The following SMIM35 variants were observed in gnomAD, a reference collection of about 807,000 sequenced individuals.
The protein encoded by SMIM35 is TMPRSS4 antisense RNA 1 (non-protein coding).
In SMIM35 at chr11:118,055,085, G is replaced by A. The variant is rs150204290; in HGVS notation, c.7+31666C>T. On this transcript the variant is annotated intron_variant, in intron 1 of 4. Coordinates refer to ENST00000689828, the MANE Select transcript of SMIM35 (RefSeq NM_001394165.1). ...CTCCCAAAGTGCTGGGGTTACAGGC[G>A]TGAGCCACTGCGCCTGGCCTAATTT... is the stretch of plus-strand genomic sequence containing the variant. Among the ~76,000 whole-genome samples, 345 of 152,272 alleles carry A rather than the reference G, an allele frequency of 2.3e-3. 4 individuals are homozygous for A. The highest frequency in any genetic ancestry group is 7.8e-3 in the African/African-American group (325 of 41,542).
At chr11:118,086,338 C>T (rs1945553914) in intron 1 of SMIM35, among the ~76,000 whole-genome samples, 1 of 152,222 alleles carries the variant, frequency 6.6e-6, no homozygotes, top group Non-Finnish European at 1.5e-5. Flanking sequence ...CCATTATGTG[C>T]TGAGATGGGG....
intron 1 of SMIM35, among the ~76,000 whole-genome samples, chr11:118,018,585 T>C (rs193008534): frequency 2.0e-5 from 3 of 152,314 alleles, no homozygotes; most frequent in African/African-American, 7.2e-5. Flanking sequence ...ATAGTGATAC[T>C]GGTGGTGTTT....
intron 1 of SMIM35, among the ~76,000 whole-genome samples, chr11:118,058,770 G>A (rs945573973): frequency 2.6e-5 from 4 of 152,068 alleles, no homozygotes; most frequent in Admixed American, 6.5e-5. Context: ...AGCCCAGCTC[G>A]GGGGGCCTGG....
intron 1 of SMIM35, among the ~76,000 whole-genome samples, chr11:118,043,263 G>C (rs1227782203): frequency 1.5e-5 from 2 of 136,576 alleles, no homozygotes; most frequent in Non-Finnish European, 3.2e-5. Flanking sequence ...TTGAAGTCTG[G>C]GTATTTGGTA....
In SMIM35 at chr11:118,014,425, G is replaced by A. The variant is rs10540113; in HGVS notation, c.158+283C>T. ...GGATGGATGGATGGATGGATGGATGGATGGATGAATGGATGGATGGATGGG... is the reference window on the plus strand; with the variant it reads ...GGATGGATGGATGGATGGATGGATGAATGGATGAATGGATGGATGGATGGG... On this transcript the variant is annotated intron_variant, in intron 3 of 4. Coordinates refer to ENST00000689828, the MANE Select transcript of SMIM35 (RefSeq NM_001394165.1). 7.3e-3 allele frequency among the ~76,000 whole-genome samples: 903 copies of A among 123,924 alleles called. 8 individuals are homozygous for A. Among genetic ancestry groups the A allele is most frequent in the African/African-American group, 0.027 (860 of 31,556 alleles). The allele number at this position is 123,924 out of a possible 152,430, so 81.3% of individuals were successfully genotyped here.
chr11:118,033,871 C>G (rs1374513289), intron 1 of SMIM35, among the ~76,000 whole-genome samples: 1 of 152,184 alleles, frequency 6.6e-6, no homozygotes, highest in Non-Finnish European at 1.5e-5. Context: ...CAGTTACTTA[C>G]AATGTGTCCA....
chr11:118,014,971 C>T (rs981105868), intron 2 of SMIM35, among the ~76,000 whole-genome samples: 7 of 152,200 alleles, frequency 4.6e-5, no homozygotes, highest in Non-Finnish European at 7.3e-5. Flanking sequence ...AACCAGACCT[C>T]AGCTTGGATT....
intron 1 of SMIM35, among the ~76,000 whole-genome samples, chr11:118,078,621 G>C (rs2135181924): frequency 6.6e-6 from 1 of 152,308 alleles, no homozygotes; most frequent in South Asian, 2.1e-4. Context: ...GGGCTCCCAG[G>C]AGAGGAGAGC....
In SMIM35 at chr11:118,033,764, C is replaced by A. The variant is rs2058337246; in HGVS notation, c.8-17955G>T. Among the ~76,000 whole-genome samples the A allele has an allele frequency of 2.0e-5, 3 of 152,164 alleles. No individual in the cohort carries two copies. The South Asian group carries it at 6.2e-4, about 31-fold the overall frequency. Reference sequence around the variant, plus strand: ...AAAAGACCATCAGTCAGTAAGAAATCATTCATAGAATTCTACAATCCTTTG... The same window carrying A: ...AAAAGACCATCAGTCAGTAAGAAATAATTCATAGAATTCTACAATCCTTTG... On this transcript the variant is annotated intron_variant, in intron 1 of 4. Coordinates refer to ENST00000689828, the MANE Select transcript of SMIM35 (RefSeq NM_001394165.1).
rs535777937 is a variant in SMIM35, at chr11:118,036,053, A to G, written c.8-20244T>C. Among the ~76,000 whole-genome samples the G allele has an allele frequency of 9.2e-5, 14 of 152,158 alleles. No individual in the cohort carries two copies. The East Asian group carries it at 2.7e-3, about 30-fold the overall frequency. ...CAGGCACCTGCCACCATGCCTGGCT[A>G]ATTTTTGTATTTTAGTAGAGATGGG... is the stretch of plus-strand genomic sequence containing the variant. On this transcript the variant is annotated intron_variant, in intron 1 of 4. Transcript: ENST00000689828.
chr11:118,061,479 C>T (rs1003948236), intron 1 of SMIM35, among the ~76,000 whole-genome samples: 5 of 152,140 alleles, frequency 3.3e-5, no homozygotes, highest in Non-Finnish European at 5.9e-5. Flanking sequence ...AGGTCCCCAG[C>T]TGGAGCTACC....
chr11:118,046,548 A>G (rs1371687270), intron 1 of SMIM35, among the ~76,000 whole-genome samples: 1 of 152,214 alleles, frequency 6.6e-6, no homozygotes, highest in African/African-American at 2.4e-5. Context: ...GGATATCAAG[A>G]ACCTTGCCTT....
chr11:118,051,477 C>T (rs1944212599), intron 1 of SMIM35, among the ~76,000 whole-genome samples: 1 of 152,240 alleles, frequency 6.6e-6, no homozygotes, highest in Admixed American at 6.5e-5. Flanking sequence ...CCACTTCTCT[C>T]CTCCCCATGC....
chr11:118,036,291 C>T (rs2058358967), intron 1 of SMIM35, among the ~76,000 whole-genome samples: 1 of 152,222 alleles, frequency 6.6e-6, no homozygotes, highest in Non-Finnish European at 1.5e-5. Context: ...TGAGGAAATG[C>T]TGGTAAATTA....
At chr11:118,042,243 A>G (rs955502930) in intron 1 of SMIM35, among the ~76,000 whole-genome samples, 3 of 152,088 alleles carry the variant, frequency 2.0e-5, no homozygotes, top group Non-Finnish European at 2.9e-5. Flanking sequence ...CAAGAAAAAA[A>G]AAGACTCAAA....
intron 1 of SMIM35, among the ~76,000 whole-genome samples, chr11:118,069,797 C>T (rs992649149): frequency 2.0e-5 from 3 of 152,076 alleles, no homozygotes; most frequent in Admixed American, 6.5e-5. Context: ...CGCGGTGGCT[C>T]GTGCCTGTAA....
intron 4 of SMIM35, among the ~76,000 whole-genome samples, chr11:118,010,914 C>A (rs745471097): frequency 3.3e-5 from 5 of 152,236 alleles, no homozygotes; most frequent in Non-Finnish European, 7.3e-5. Flanking sequence ...TGGGTCCCAG[C>A]CAGTGCCTGG....
chr11:118,037,695 C>A (rs1439214057), intron 1 of SMIM35, among the ~76,000 whole-genome samples: 1 of 152,168 alleles, frequency 6.6e-6, no homozygotes, highest in African/African-American at 2.4e-5. Context: ...GAGTCGGCGA[C>A]CTGTTCCATG....
chr11:118,023,812 C>A (rs1003216948), intron 1 of SMIM35, among the ~76,000 whole-genome samples: 14 of 152,084 alleles, frequency 9.2e-5, no homozygotes, highest in Non-Finnish European at 2.1e-4. Flanking sequence ...GTGGATGGAT[C>A]ACTTGAGGTC....
Sources: allele counts gnomAD v4.1 joint callset (sites outside exome capture counted in the v4.1 genomes callset), GRCh38; gene constraint gnomAD v4.1.1; transcripts MANE v1.5; gene names NCBI Gene and HGNC (gene_info 2026-07-23, HGNC 2026-07-21).